Variants in EPHA3 observed in about 807,000 individuals in gnomAD.
EPHA3 encodes EPH receptor A3, also known as ephrin type-A receptor 3.
A neutral mutation model predicts 107.1 loss-of-function variants in EPHA3; 42 were observed. The observed-to-expected ratio is 0.39, with a 90% CI of 0.31 to 0.51. The LOEUF (loss-of-function observed/expected upper bound fraction) is 0.51, where lower values mean the gene tolerates loss of function less well. Among genes scored for constraint, EPHA3 ranks in the 20% least tolerant of loss-of-function variants. The pLI is 0.78. For missense variants in EPHA3, 1,183 were observed against 1,211.2 expected (o/e 0.98, Z 0.35); for synonymous variants, 461 against 424.8 (o/e 1.09, Z -1.05).
chr3:89,468,658 T>C (rs1380352614), intron 15 of EPHA3, among the ~76,000 whole-genome samples: 1 of 152,230 alleles, frequency 6.6e-6, no homozygotes. Context: ...TGTCTCATTC[T>C]AGGTTTCACA....
intron 2 of EPHA3, among the ~76,000 whole-genome samples, chr3:89,171,981 T>C (rs923441964): frequency 2.0e-5 from 3 of 152,160 alleles, no homozygotes; most frequent in Non-Finnish European, 4.4e-5. Flanking sequence ...TGAGATAGAT[T>C]GCAATTTCTT....
chr3:89,127,181 T>G (rs1213220685), intron 1 of EPHA3, 28 bp from the exon 2 acceptor site: 1 of 1,550,090 alleles, frequency 6.5e-7, no homozygotes, highest in East Asian at 2.2e-5. Flanking sequence ...TGTTATTAAC[T>G]GTGTTTGTGT....
At chr3:89,169,297 T>A (rs1705157485) in intron 2 of EPHA3, among the ~76,000 whole-genome samples, 1 of 152,144 alleles carries the variant, frequency 6.6e-6, no homozygotes, top group Non-Finnish European at 1.5e-5. Context: ...TGCAGTAAAA[T>A]TTTTTTATAG....
intron 3 of EPHA3, among the ~76,000 whole-genome samples, chr3:89,286,167 T>A (rs1706078498): frequency 6.7e-6 from 1 of 149,610 alleles, no homozygotes; most frequent in African/African-American, 2.5e-5. Flanking sequence ...TGTGTTTCCA[T>A]AAACATCAGT....
intron 3 of EPHA3, among the ~76,000 whole-genome samples, chr3:89,277,416 A>G (rs1019067704): frequency 2.0e-5 from 3 of 152,130 alleles, no homozygotes; most frequent in Admixed American, 6.6e-5. Flanking sequence ...CATATCATAG[A>G]CGACTAGATT....
intron 1 of EPHA3, among the ~76,000 whole-genome samples, chr3:89,120,990 A>C (rs1419425626): frequency 6.6e-6 from 1 of 152,202 alleles, no homozygotes; most frequent in Non-Finnish European, 1.5e-5. Context: ...CTGTAATCCC[A>C]GCACTTTGGG....
chr3:89,472,648 T>A (rs760691209), intron 16 of EPHA3, 29 bp downstream of exon 16: 4 of 1,595,580 alleles, frequency 2.5e-6, no homozygotes, highest in Non-Finnish European at 1.7e-6. Flanking sequence ...TTAAGAAGAA[T>A]GAAGGATTCT....
chr3:89,225,664 T>C (rs1704485645), intron 3 of EPHA3, among the ~76,000 whole-genome samples: 1 of 152,182 alleles, frequency 6.6e-6, no homozygotes, highest in African/African-American at 2.4e-5. Context: ...AGTGAAGTTC[T>C]TTACACTTTC....
intron 3 of EPHA3, among the ~76,000 whole-genome samples, chr3:89,280,662 A>G (rs1182790631): frequency 6.6e-6 from 1 of 152,174 alleles, no homozygotes; most frequent in African/African-American, 2.4e-5. Context: ...GTATTTATGC[A>G]TGTTTCATGT....
rs1707753214 is a variant in EPHA3 at position 89,349,499 on chromosome 3, C to T, written c.1306+7409C>T. 1.3e-5 allele frequency among the ~76,000 whole-genome samples: 2 copies of T among 149,316 alleles called. 1 individual carries two copies. Among genetic ancestry groups the T allele is most frequent in the Non-Finnish European group, 3.0e-5 (2 of 67,156 alleles). On this transcript the variant is annotated intron_variant, in intron 5 of 16. Transcript: ENST00000336596. ...TCTTCTTCCATCCTTTTATTTTGAGCCTATGTGTGTCTCTGCCCATGAGAT... is the reference window on the plus strand; with the variant it reads ...TCTTCTTCCATCCTTTTATTTTGAGTCTATGTGTGTCTCTGCCCATGAGAT...
At chr3:89,431,872 T>C (rs1401837936) in intron 13 of EPHA3, among the ~76,000 whole-genome samples, 1 of 152,176 alleles carries the variant, frequency 6.6e-6, no homozygotes, top group African/African-American at 2.4e-5. Flanking sequence ...TACAAATTTT[T>C]CTTCATACTC....
chr3:89,118,379 G>C (rs1559739218), intron 1 of EPHA3, among the ~76,000 whole-genome samples: 1 of 151,676 alleles, frequency 6.6e-6, no homozygotes. Context: ...CTTTCAAAGT[G>C]ATGTTCCAAA....
intron 1 of EPHA3, among the ~76,000 whole-genome samples, chr3:89,110,382 AAAC>A (rs879559237): frequency 2.7e-4 from 41 of 151,966 alleles, no homozygotes; most frequent in Non-Finnish European, 5.0e-4. Context: ...TTTAATCATT[AAAC>A]ATCAATATTG....
chr3:89,429,171 A>C lies in EPHA3; in HGVS notation c.2136+4A>C, dbSNP rs536110472. The C allele has an allele frequency of 6.2e-7, 1 of 1,606,488 alleles. No individual in the cohort carries two copies. The highest frequency in any genetic ancestry group is 1.3e-5 in the African/African-American group (1 of 74,860). ...TTCCTTGGATAGTTTCCTACGTGTA[A>C]GTAAGATGCACACACATACATATAT... On this transcript the variant is annotated splice_donor_region_variant and intron_variant, in intron 12 of 16. Transcript: ENST00000336596.
chr3:89,440,058 A>G (rs575457166), intron 13 of EPHA3, among the ~76,000 whole-genome samples: 20 of 152,208 alleles, frequency 1.3e-4, no homozygotes, highest in Middle Eastern at 3.4e-3. Context: ...TCTTGTGGCA[A>G]TCAACATTTG....
At chr3:89,210,621 G>A in intron 3 of EPHA3, 101 bp downstream of exon 3, 2 of 1,274,074 alleles carry the variant, frequency 1.6e-6, no homozygotes, top group Non-Finnish European at 2.1e-6. Flanking sequence ...CACTTGGCAG[G>A]AAAACATGCC....
At chr3:89,167,075 C>T (rs1705088709) in intron 2 of EPHA3, among the ~76,000 whole-genome samples, 1 of 152,120 alleles carries the variant, frequency 6.6e-6, no homozygotes, top group South Asian at 2.1e-4. Context: ...TACATATCCT[C>T]ATGGTCTAAA....
In EPHA3 at chr3:89,341,083, T is replaced by C; in HGVS notation, c.970+12T>C. 1 of 1,610,410 alleles carries C rather than the reference T, an allele frequency of 6.2e-7. No homozygotes were observed. Among genetic ancestry groups the C allele is most frequent in the Non-Finnish European group, 8.5e-7 (1 of 1,178,764 alleles). ...CATGGCTTGTACCCGTGAGTAGTTT[T>C]GCTGCAACCCATGCCTCCATGTTTG... On this transcript the variant is annotated intron_variant, in intron 4 of 16. Transcript: ENST00000336596.
intron 3 of EPHA3, among the ~76,000 whole-genome samples, chr3:89,231,318 GC>G (rs200246755): frequency 0.018 from 2,707 of 152,104 alleles, 37 homozygotes; most frequent in Non-Finnish European, 0.03. Flanking sequence ...ATTATCTAGT[GC>G]TTTCTATATT....
Sources: gnomAD v4.1 joint callset for allele counts (sites outside exome capture counted in the v4.1 genomes callset) on GRCh38, gnomAD v4.1.1 for gene constraint, MANE v1.5 for transcripts, NCBI Gene and HGNC (gene_info 2026-07-23, HGNC 2026-07-21) for gene names.